CSMD3: variants seen among roughly 807,000 people sequenced by gnomAD.
CSMD3 encodes the protein CUB and sushi domain-containing protein 3.
CSMD3 carries 177 observed loss-of-function variants against 435.2 expected under a neutral mutation model. The observed-to-expected ratio is 0.41, with a 90% CI of 0.36 to 0.46. The LOEUF is 0.46. CSMD3 is among the 20% of genes least tolerant of loss of function. The pLI is 0.34. For missense variants in CSMD3, 4,265 were observed against 4,504.6 expected (o/e 0.95, Z 1.52); for synonymous variants, 1,656 against 1,520.5 (o/e 1.09, Z -2.07).
intron 1 of CSMD3, among the ~76,000 whole-genome samples, chr8:113,357,373 A>G (rs2094238108): frequency 6.6e-6 from 1 of 152,250 alleles, no homozygotes; most frequent in Non-Finnish European, 1.5e-5. Flanking sequence ...CATTGAATCC[A>G]GACATGATCT....
intron 4 of CSMD3, among the ~76,000 whole-genome samples, chr8:113,104,401 G>A (rs1292123285): frequency 6.6e-6 from 1 of 151,958 alleles, no homozygotes; most frequent in African/African-American, 2.4e-5. Flanking sequence ...GCCTAATTAG[G>A]CAAACTATTT....
At chr8:112,608,218 G>T (rs1832949535) in intron 22 of CSMD3, among the ~76,000 whole-genome samples, 1 of 151,754 alleles carries the variant, frequency 6.6e-6, no homozygotes, top group East Asian at 1.9e-4. Context: ...GCATAAAAAA[G>T]AATAAAATAC....
chr8:112,727,463 G>A (rs993576626), intron 13 of CSMD3, among the ~76,000 whole-genome samples: 1 of 151,818 alleles, frequency 6.6e-6, no homozygotes, highest in African/African-American at 2.4e-5. Flanking sequence ...CTAACAAAGA[G>A]GGTGAGTGAG....
At position 112,648,768 on chromosome 8, in the gene CSMD3, G is replaced by A. The variant is rs138011807; in HGVS notation, c.3193+1393C>T. On this transcript the variant is annotated intron_variant, in intron 19 of 70. Coordinates refer to ENST00000297405, the MANE Select transcript of CSMD3 (RefSeq NM_198123.2). ...AATATTGCCTCCATACCTTTCTTTC[G>A]TGGTGAATGCTCCTCATTCAGGCCA... 3.9e-5 allele frequency among the ~76,000 whole-genome samples: 6 copies of A among 152,024 alleles called. No individual in the cohort carries two copies. The East Asian group carries it at 5.8e-4, about 15-fold the overall frequency.
rs139172119 is a variant in CSMD3 at position 113,173,903 on chromosome 8, G to A, written c.528C>T (p.Ser176=). The A allele has an allele frequency of 7.3e-5, 118 of 1,612,812 alleles. 1 individual carries two copies. The African/African-American group carries it at 1.1e-3, about 15-fold the overall frequency. Residue 176 remains serine (S), a synonymous_variant, in exon 4 of 71, where the codon AGC becomes AGT. Coordinates refer to ENST00000297405, the MANE Select transcript of CSMD3 (RefSeq NM_198123.2). ...GTGGAACACCAGGATTTCCACAAGA[G>A]CTACTCTGCAATTCTATTAAAAAGG... ...FKVYYEELQS[S]SCGNPGVPPK... is the part of the protein sequence containing the mutation.
At chr8:112,536,712 A>G (rs1397244277) in intron 27 of CSMD3, among the ~76,000 whole-genome samples, 1 of 149,058 alleles carries the variant, frequency 6.7e-6, no homozygotes, top group Non-Finnish European at 1.5e-5. Flanking sequence ...ATAAAGACAC[A>G]CGCATGCGTA....
At chr8:112,682,002 T>C (rs994405469) in intron 16 of CSMD3, among the ~76,000 whole-genome samples, 1 of 152,160 alleles carries the variant, frequency 6.6e-6, no homozygotes, top group Non-Finnish European at 1.5e-5. Context: ...AGAAATCATA[T>C]ATTTTAAATA....
chr8:112,273,536 T>C (rs191014436), intron 59 of CSMD3, among the ~76,000 whole-genome samples: 1 of 151,670 alleles, frequency 6.6e-6, no homozygotes, highest in Non-Finnish European at 1.5e-5. Context: ...CCATCCTGGA[T>C]AACACGGTGA....
chr8:113,298,269 T>C (rs6984847), intron 2 of CSMD3, among the ~76,000 whole-genome samples: 96,467 of 151,892 alleles, frequency 0.64, 31,412 homozygotes, highest in East Asian at 0.75. Context: ...CCTGCTAGGT[T>C]TCTCTCAAAA....
chr8:113,321,844 A>T lies in CSMD3; in HGVS notation c.179-7051T>A, dbSNP rs528825254. Reference sequence around the variant, plus strand: ...CATTTAACTTGTAAATTTCACATTGATTGAAATGAAAAGCTACATACTCAT... The same window carrying T: ...CATTTAACTTGTAAATTTCACATTGTTTGAAATGAAAAGCTACATACTCAT... On this transcript the variant is annotated intron_variant, in intron 1 of 70. Transcript: ENST00000297405. Among the ~76,000 whole-genome samples the T allele has an allele frequency of 5.9e-4, 90 of 152,280 alleles. No homozygotes were observed. In the East Asian group the frequency reaches 6.0e-3, roughly 10 times the overall value.
chr8:112,748,368 G>A (rs1220029333), intron 13 of CSMD3, among the ~76,000 whole-genome samples: 1 of 152,046 alleles, frequency 6.6e-6, no homozygotes, highest in Admixed American at 6.6e-5. Context: ...TAGTTTTGGG[G>A]GTACATGTGA....
chr8:112,397,581 G>A (rs781382888), intron 35 of CSMD3, among the ~76,000 whole-genome samples: 2 of 152,104 alleles, frequency 1.3e-5, no homozygotes, highest in Non-Finnish European at 2.9e-5. Flanking sequence ...TAGATTTGAT[G>A]TCTGCTGAGG....
At chr8:113,255,033 C>T (rs1386549658) in intron 3 of CSMD3, among the ~76,000 whole-genome samples, 3 of 152,052 alleles carry the variant, frequency 2.0e-5, no homozygotes, top group African/African-American at 7.2e-5. Flanking sequence ...GAGGACAATG[C>T]TGAAAAGGCA....
At chr8:112,826,460 T>A (rs898394547) in intron 12 of CSMD3, among the ~76,000 whole-genome samples, 1 of 152,144 alleles carries the variant, frequency 6.6e-6, no homozygotes, top group Non-Finnish European at 1.5e-5. Context: ...TGGTGGCGTG[T>A]GCTTGTGACT....
intron 5 of CSMD3, among the ~76,000 whole-genome samples, chr8:113,095,095 C>T (rs2090123423): frequency 1.3e-5 from 2 of 151,768 alleles, no homozygotes; most frequent in Non-Finnish European, 2.9e-5. Context: ...TCACATATAC[C>T]CCAAAACTAC....
At position 112,234,425 on chromosome 8, in the gene CSMD3, T is replaced by C. The variant is rs1393256280; in HGVS notation, c.10680A>G (p.Lys3560=). Residue 3560 remains lysine (K), a synonymous_variant, in exon 68 of 71, where the codon AAA becomes AAG. Transcript: ENST00000297405. ...ARLMLRIYLI[K]VPAHASVKKM... is the part of the protein sequence containing the mutation. The stretch of plus-strand genomic sequence containing the variant: ...TCTTCACAGAAGCATGAGCAGGTAC[T>C]TTAATAAGATATATGCGTAACATTA... The C allele has an allele frequency of 6.2e-7, 1 of 1,613,550 alleles. No homozygotes were observed. The highest frequency in any genetic ancestry group is 1.1e-5 in the South Asian group (1 of 91,060).
chr8:112,799,390 T>G (rs1483868200), intron 13 of CSMD3, among the ~76,000 whole-genome samples: 1 of 151,960 alleles, frequency 6.6e-6, no homozygotes, highest in Non-Finnish European at 1.5e-5. Context: ...AAAATAATAA[T>G]TTTTACCACA....
chr8:112,541,303 T>C (rs1249172657), intron 27 of CSMD3, among the ~76,000 whole-genome samples: 1 of 151,128 alleles, frequency 6.6e-6, no homozygotes, highest in Non-Finnish European at 1.5e-5. Context: ...TAATAGAAAA[T>C]AGAAAAACAA....
intron 7 of CSMD3, among the ~76,000 whole-genome samples, chr8:112,959,240 T>C (rs2084142522): frequency 6.6e-6 from 1 of 152,034 alleles, no homozygotes; most frequent in Non-Finnish European, 1.5e-5. Flanking sequence ...CATGGGGCTC[T>C]CTTAGAAGAC....
Sources: gnomAD v4.1 joint callset for allele counts (sites outside exome capture counted in the v4.1 genomes callset) on GRCh38, gnomAD v4.1.1 for gene constraint, MANE v1.5 for transcripts, NCBI Gene and HGNC (gene_info 2026-07-23, HGNC 2026-07-21) for gene names.